Variants in RPS6KA2 observed in about 807,000 individuals in gnomAD.
The protein encoded by RPS6KA2 is ribosomal protein S6 kinase A2, also known as ribosomal protein S6 kinase alpha-2.
Under a neutral mutation model 91.8 loss-of-function variants are expected in RPS6KA2, and 42 were observed. The ratio of observed to expected loss-of-function variants is 0.46; its 90% CI spans 0.36 to 0.59. RPS6KA2 has a LOEUF of 0.59. Among genes scored for constraint, RPS6KA2 ranks in the 20% least tolerant of loss-of-function variants. RPS6KA2 has a pLI of 0.00. For missense variants in RPS6KA2, 798 were observed against 978.5 expected (o/e 0.82, Z 2.46); for synonymous variants, 414 against 393.6 (o/e 1.05, Z -0.61).
rs1239919419 is a variant in RPS6KA2 at position 166,737,339 on chromosome 6, T to C, written c.123+120861A>G. On this transcript the variant is annotated intron_variant, in intron 2 of 21. Transcript: ENST00000503859. This position sits in a 1 kb window ranked among gnomAD's most constrained non-coding sequence, Gnocchi z 4.3. ...ACCCTTCACCCCAGCGGCAGCCTGG[T>C]GTGATAATTGGTAGGTAACCAGTTT... 1.3e-5 allele frequency among the ~76,000 whole-genome samples: 2 copies of C among 152,164 alleles called. No individual in the cohort carries two copies. Among genetic ancestry groups the C allele is most frequent in the African/African-American group, 4.8e-5 (2 of 41,436 alleles).
intron 13 of RPS6KA2, among the ~76,000 whole-genome samples, chr6:166,449,896 G>T (rs1278735683): frequency 7.1e-6 from 1 of 141,130 alleles, no homozygotes; most frequent in African/African-American, 2.7e-5. Flanking sequence ...GGACAACCAC[G>T]AGGACCACCA....
intron 10 of RPS6KA2, among the ~76,000 whole-genome samples, chr6:166,483,286 T>C (rs56942891): frequency 0.037 from 5,568 of 152,242 alleles, 181 homozygotes; most frequent in African/African-American, 0.09. Context: ...GCTGTGCAGC[T>C]GGCCACAGCC....
chr6:166,727,766 G>A (rs1421991893), intron 2 of RPS6KA2, among the ~76,000 whole-genome samples: 1 of 152,100 alleles, frequency 6.6e-6, no homozygotes, highest in East Asian at 1.9e-4. Context: ...CCCTGGCCTG[G>A]TGCAGTGCTG....
chr6:166,526,580 G>A (rs1329676185), intron 3 of RPS6KA2, among the ~76,000 whole-genome samples: 1 of 152,026 alleles, frequency 6.6e-6, no homozygotes, highest in Non-Finnish European at 1.5e-5. Flanking sequence ...GAACTCCTGG[G>A]CTCAAGCAAT....
chr6:166,463,863 G>A (rs1014485273), intron 11 of RPS6KA2, among the ~76,000 whole-genome samples: 2 of 152,184 alleles, frequency 1.3e-5, no homozygotes, highest in Admixed American at 1.3e-4. Context: ...AAAGCGTCAC[G>A]ATGGGTGTGA....
At chr6:166,748,067 T>C (rs1791077717) in intron 2 of RPS6KA2, among the ~76,000 whole-genome samples, 1 of 152,226 alleles carries the variant, frequency 6.6e-6, no homozygotes, top group African/African-American at 2.4e-5. Context: ...GGGCAAATGC[T>C]GGACAGGGGG....
chr6:166,419,051 C>T lies in RPS6KA2; in HGVS notation c.1821-709G>A, dbSNP rs1020477551. The stretch of plus-strand genomic sequence containing the variant: ...CTTTGCTACTGCAGTCCTCAGGGTG[C>T]GGCTTCAGGGCCTGATTTACTCTCC... On this transcript the variant is annotated intron_variant, in intron 18 of 20. Transcript: ENST00000265678. This position sits in a 1 kb window ranked among gnomAD's most constrained non-coding sequence, Gnocchi z 5.6. Among the ~76,000 whole-genome samples, 24 of 152,298 alleles carry T rather than the reference C, an allele frequency of 1.6e-4. No individual in the cohort carries two copies. The highest frequency in any genetic ancestry group is 3.8e-4 in the African/African-American group (16 of 41,564).
intron 12 of RPS6KA2, among the ~76,000 whole-genome samples, chr6:166,452,294 A>G (rs1779941626): frequency 6.6e-6 from 1 of 152,206 alleles, no homozygotes. Context: ...ATTACTTTCA[A>G]AAGTGCACAG....
intron 2 of RPS6KA2, among the ~76,000 whole-genome samples, chr6:166,850,641 C>T (rs4710119): frequency 0.039 from 5,904 of 152,244 alleles, 508 homozygotes; most frequent in East Asian, 0.34. Context: ...CACGCAGCCT[C>T]GGCCAGAGTC....
chr6:166,811,107 TTAAAG>T (rs1328432996), intron 2 of RPS6KA2, among the ~76,000 whole-genome samples: 2 of 152,246 alleles, frequency 1.3e-5, no homozygotes, highest in African/African-American at 4.8e-5. Context: ...GAAAAATGAC[TTAAAG>T]TATAGGTCAA....
At chr6:166,738,942 G>A (rs1436596825) in intron 2 of RPS6KA2, among the ~76,000 whole-genome samples, 4 of 152,208 alleles carry the variant, frequency 2.6e-5, no homozygotes, top group Non-Finnish European at 4.4e-5. Context: ...ATATCCAGGT[G>A]TGCATGTCTG....
chr6:166,673,554 G>A (rs910780800), intron 2 of RPS6KA2, among the ~76,000 whole-genome samples: 12 of 152,174 alleles, frequency 7.9e-5, no homozygotes, highest in African/African-American at 2.7e-4. Context: ...GGGGCCAGCT[G>A]CTATTTGATG....
At chr6:166,716,861 C>T (rs545343485) in intron 2 of RPS6KA2, among the ~76,000 whole-genome samples, 26 of 151,314 alleles carry the variant, frequency 1.7e-4, no homozygotes, top group East Asian at 3.9e-4. Context: ...TTAAAACTTT[C>T]GGATGTCAAA....
chr6:166,700,852 T>TC (rs1431651967), intron 2 of RPS6KA2, among the ~76,000 whole-genome samples: 1 of 152,278 alleles, frequency 6.6e-6, no homozygotes, highest in South Asian at 2.1e-4. Context: ...CTCTTCTCTT[T>TC]CCCCCCTCTG....
At chr6:166,801,328 GTTTATTTTAT>G (rs10534491) in intron 2 of RPS6KA2, among the ~76,000 whole-genome samples, 17 of 150,488 alleles carry the variant, frequency 1.1e-4, no homozygotes, top group African/African-American at 3.2e-4. Flanking sequence ...GGAAAGGGAG[GTTTATTTTAT>G]TTTATTTTAT....
intron 10 of RPS6KA2, among the ~76,000 whole-genome samples, chr6:166,477,578 G>A (rs1781023111): frequency 6.6e-6 from 1 of 152,184 alleles, no homozygotes. Flanking sequence ...CCAATTTACT[G>A]TAGCAAATCC....
At chr6:166,702,400 C>T (rs1298516215) in intron 2 of RPS6KA2, 33 of 1,606,454 alleles carry the variant, frequency 2.1e-5, no homozygotes, top group Non-Finnish European at 2.7e-5. Context: ...AATTCTCTAA[C>T]TGAAATCCAT....
chr6:166,704,431 G>A (rs565378898), intron 2 of RPS6KA2, among the ~76,000 whole-genome samples: 9 of 152,336 alleles, frequency 5.9e-5, no homozygotes, highest in Middle Eastern at 3.4e-3. Flanking sequence ...TAGACTTAGC[G>A]ACTGACTAGG....
intron 3 of RPS6KA2, among the ~76,000 whole-genome samples, chr6:166,529,011 G>A (rs1783162328): frequency 1.3e-5 from 2 of 152,320 alleles, no homozygotes; most frequent in South Asian, 4.1e-4. Context: ...AAGACAGTGT[G>A]GCGATTCCTC....
Sources: gnomAD v4.1 joint callset for allele counts (sites outside exome capture counted in the v4.1 genomes callset) on GRCh38, gnomAD v4.1.1 for gene constraint, Gnocchi (gnomAD v3.1) non-coding constraint, MANE v1.5 for transcripts, NCBI Gene and HGNC (gene_info 2026-07-23, HGNC 2026-07-21) for gene names.